ANAPC11: variants seen among roughly 807,000 people sequenced by gnomAD.
ANAPC11 encodes the protein anaphase-promoting complex subunit 11.
ANAPC11 carries 5 observed loss-of-function variants against 11.8 expected under a neutral mutation model. That is an observed-to-expected ratio of 0.42 (90% CI 0.22 to 0.89). ANAPC11 has a LOEUF of 0.89. ANAPC11 is among the 40% of genes least tolerant of loss of function. The pLI is 0.28. For missense variants in ANAPC11, 68 were observed against 112.9 expected (o/e 0.60, Z 1.80); for synonymous variants, 45 against 41.0 (o/e 1.10, Z -0.38).
chr17:81,893,172 A>G (rs2143523448), intron 1 of ANAPC11: 1 of 152,330 alleles, frequency 6.6e-6, no homozygotes, highest in East Asian at 1.9e-4. Flanking sequence ...AGCTCGCTGC[A>G]ACCTCCGCCT....
chr17:81,892,123 C>T (rs2039557715), intron 1 of ANAPC11: 1 of 153,658 alleles, frequency 6.5e-6, no homozygotes, highest in African/African-American at 2.4e-5. Context: ...TTTTTGGTCT[C>T]CACCTGCAGC....
chr17:81,898,617 C>T (rs1018923224), intron 3 of ANAPC11: 1 of 152,430 alleles, frequency 6.6e-6, no homozygotes, highest in African/African-American at 2.4e-5. Context: ...TAAAATTGAA[C>T]TCCTGTGAAA....
intron 3 of ANAPC11, among the ~76,000 whole-genome samples, chr17:81,896,187 G>A (rs1185368816): frequency 1.3e-5 from 2 of 152,040 alleles, no homozygotes; most frequent in Non-Finnish European, 2.9e-5. Context: ...TTGGGAGGCC[G>A]AGGTGGATGG....
intron 1 of ANAPC11, among the ~76,000 whole-genome samples, chr17:81,892,393 C>G (rs2143514774): frequency 6.6e-6 from 1 of 152,030 alleles, no homozygotes; most frequent in East Asian, 1.9e-4. Flanking sequence ...TGCTTGAGCC[C>G]AGGAGGTCGA....
intron 3 of ANAPC11, chr17:81,898,075 T>C (rs1253245824): frequency 1.3e-5 from 2 of 152,286 alleles, no homozygotes; most frequent in Non-Finnish European, 2.9e-5. Context: ...AGTTAATAGC[T>C]AATTAGGTTA....
rs1334925917 is a variant in ANAPC11, at chr17:81,894,842, C to T, written c.109+256C>T. 2.0e-5 allele frequency: 8 copies of T among 391,012 alleles called. No individual in the cohort carries two copies. In the East Asian group the frequency reaches 2.8e-4, roughly 13 times the overall value. 24.2% of individuals were successfully genotyped at this position (391,012 alleles called of 1,614,324 possible). ...AAACGGTTCTCCTGCCTCAGCCTTCCAAGCAGCTGGGATTACAGGCATGTG... is the reference window on the plus strand; with the variant it reads ...AAACGGTTCTCCTGCCTCAGCCTTCTAAGCAGCTGGGATTACAGGCATGTG... On this transcript the variant is annotated intron_variant, in intron 3 of 3. Transcript: ENST00000344877.
intron 3 of ANAPC11, chr17:81,899,028 A>T: frequency 1.7e-6 from 1 of 599,292 alleles, no homozygotes; most frequent in East Asian, 2.8e-5. Flanking sequence ...CAGGGCTGGG[A>T]GTGGGCATGC....
upstream of ANAPC11, chr17:81,891,064 CCT>C: frequency 1.5e-6 from 1 of 684,192 alleles, no homozygotes; most frequent in South Asian, 2.0e-5. Context: ...AGCGTCCCCT[CCT>C]CTCCTGCCAC....
Position 81,900,197 on chromosome 17 carries a change from A to G in ANAPC11, c.*132A>G, listed in dbSNP as rs1234401698. ...GGGCTGGAGCTGCGTTTGTTTTGCC[A>G]TCACTATGTTGACACTTTTATCCAA... On this transcript the variant is annotated 3_prime_UTR_variant, in exon 4 of 4. Transcript: ENST00000344877. 1.4e-6 allele frequency: 2 copies of G among 1,395,740 alleles called. No homozygotes were observed. Among genetic ancestry groups the G allele is most frequent in the Non-Finnish European group, 1.9e-6 (2 of 1,028,570 alleles). The allele number at this position is 1,395,740 out of a possible 1,614,324, so 86.5% of individuals were successfully genotyped here.
rs778355431 is a variant in ANAPC11 at position 81,894,601 on chromosome 17, C to T, written c.109+15C>T. ...CTGCCCTGACTGTGAGTGTCCCCTC[C>T]ATGCTGTCTGAGCGGCCCCGACTGT... On this transcript the variant is annotated intron_variant, in intron 3 of 3. Transcript: ENST00000344877. The T allele has an allele frequency of 1.3e-5, 20 of 1,577,220 alleles. No homozygotes were observed. In the East Asian group the frequency reaches 4.0e-4, roughly 31 times the overall value.
chr17:81,890,914 C>A, upstream of ANAPC11: 1 of 1,561,778 alleles, frequency 6.4e-7, no homozygotes, highest in African/African-American at 1.4e-5. Context: ...CTCTTCCCGG[C>A]CTGAGAGGAT....
rs143294470 is a variant in ANAPC11 at position 81,895,936 on chromosome 17, A to G, written c.109+1350A>G. ...GAGCCAAGAGCAAGACTCCATCTCAAAAAACAAACAAAAAAAAGATTAGTT... is the reference window on the plus strand; with the variant it reads ...GAGCCAAGAGCAAGACTCCATCTCAGAAAACAAACAAAAAAAAGATTAGTT... On this transcript the variant is annotated intron_variant, in intron 3 of 3. Coordinates refer to ENST00000344877, the MANE Select transcript of ANAPC11 (RefSeq NM_001002248.3). Among the ~76,000 whole-genome samples, 78 of 152,202 alleles carry G rather than the reference A, an allele frequency of 5.1e-4. 1 individual carries two copies. The East Asian group carries it at 0.014, about 28-fold the overall frequency.
intron 3 of ANAPC11, chr17:81,899,578 A>G: frequency 6.3e-7 from 1 of 1,593,500 alleles, no homozygotes; most frequent in Non-Finnish European, 8.6e-7. Flanking sequence ...CCTCAAGCAC[A>G]GGGGACACAG....
rs758770236 is a variant in ANAPC11 at position 81,900,212 on chromosome 17, CTT to C, written c.*150_*151del. 6 of 1,283,298 alleles carry C rather than the reference CTT, an allele frequency of 4.7e-6. No individual in the cohort carries two copies. The highest frequency in any genetic ancestry group is 5.3e-6 in the Non-Finnish European group (5 of 935,934). The allele number at this position is 1,283,298 out of a possible 1,614,324, so 79.5% of individuals were successfully genotyped here. ...TTGTTTTGCCATCACTATGTTGACA[CTT>C]TTATCCAATAAGTGAAAACTCATTA... On this transcript the variant is annotated 3_prime_UTR_variant, in exon 4 of 4. Transcript: ENST00000344877.
At chr17:81,897,342 G>A (rs765279419) in intron 3 of ANAPC11, among the ~76,000 whole-genome samples, 1 of 152,074 alleles carries the variant, frequency 6.6e-6, no homozygotes, top group Non-Finnish European at 1.5e-5. Context: ...CATGTTGGCC[G>A]GGCTGGTCTT....
downstream of ANAPC11, chr17:81,900,351 G>T: frequency 4.1e-6 from 2 of 487,024 alleles, no homozygotes; most frequent in South Asian, 2.4e-5. Context: ...TCCGTGAAAC[G>T]CCAAGGCCCT....
Position 81,900,108 on chromosome 17 carries a change from T to A in ANAPC11, c.*43T>A. On this transcript the variant is annotated 3_prime_UTR_variant, in exon 4 of 4. Transcript: ENST00000344877. Reference sequence around the variant, plus strand: ...GCTGGAGGGGCATCCTGAGACTCCTTCCTCATGCTGGCGCCGATGGCTGCT... The same window carrying A: ...GCTGGAGGGGCATCCTGAGACTCCTACCTCATGCTGGCGCCGATGGCTGCT... The A allele has an allele frequency of 6.2e-7, 1 of 1,609,710 alleles. No individual in the cohort carries two copies. Among genetic ancestry groups the A allele is most frequent in the Admixed American group, 1.7e-5 (1 of 59,632 alleles).
intron 3 of ANAPC11, among the ~76,000 whole-genome samples, chr17:81,895,468 A>G (rs958084661): frequency 6.6e-6 from 1 of 152,270 alleles, no homozygotes; most frequent in Non-Finnish European, 1.5e-5. Flanking sequence ...TCAGCTGTGA[A>G]ATACGTGGGA....
Position 81,894,582 on chromosome 17 carries a change from T to C in ANAPC11, c.105T>C (p.Pro35=), listed in dbSNP as rs1484445843. The C allele has an allele frequency of 6.2e-7, 1 of 1,603,898 alleles. No individual in the cohort carries two copies. Among genetic ancestry groups the C allele is most frequent in the Non-Finnish European group, 8.5e-7 (1 of 1,173,164 alleles). Residue 35 remains proline (P), a synonymous_variant, in exon 3 of 4, where the codon CCT becomes CCC. Transcript: ENST00000344877. ...ICRMAFNGCC[P]DCKVPGDDCP... is the part of the protein sequence containing the mutation. The stretch of plus-strand genomic sequence containing the variant: ...GGATGGCATTTAACGGATGCTGCCC[T>C]GACTGTGAGTGTCCCCTCCATGCTG...
Sources: gnomAD v4.1 joint callset for allele counts (sites outside exome capture counted in the v4.1 genomes callset) on GRCh38, gnomAD v4.1.1 for gene constraint, MANE v1.5 for transcripts, NCBI Gene and HGNC (gene_info 2026-07-23, HGNC 2026-07-21) for gene names.